The following MINDY4 variants were observed in gnomAD, a reference collection of about 807,000 sequenced individuals.
The protein encoded by MINDY4 is probable ubiquitin carboxyl-terminal hydrolase MINDY-4.
In MINDY4, 68 loss-of-function variants were observed where a neutral mutation model predicts 87.0. That is an observed-to-expected ratio of 0.78 (90% confidence interval 0.64 to 0.96). The LOEUF (loss-of-function observed/expected upper bound fraction) is 0.96, where lower values mean the gene tolerates loss of function less well. Among genes scored for constraint, MINDY4 ranks in the 40% least tolerant of loss-of-function variants. MINDY4 has a pLI of 0.00. For missense variants in MINDY4, 919 were observed against 928.2 expected, an observed-to-expected ratio of 0.99 and a Z score of 0.13; for synonymous variants, 379 against 363.2, an observed-to-expected ratio of 1.04 and a Z score of -0.50.
chr7:30,836,430 C>T (rs1788859344), intron 6 of MINDY4, among the ~76,000 whole-genome samples: 1 of 152,214 alleles, frequency 6.6e-6, no homozygotes, highest in African/African-American at 2.4e-5. Context: ...GTGGTATGAA[C>T]AGAGCAGGGT....
chr7:30,794,845 G>T lies in MINDY4; in HGVS notation c.1073+3271G>T, dbSNP rs572375360. ...CTGACTGGGCAGTCCTCTAACCCTC[G>T]TCTCTCTCTCCCTCTCGCTAGAGTG... On this transcript the variant is annotated intron_variant, in intron 5 of 17. Transcript: ENST00000265299. Among the ~76,000 whole-genome samples the T allele has an allele frequency of 2.6e-5, 4 of 152,108 alleles. No individual in the cohort carries two copies. In the East Asian group the frequency reaches 7.8e-4, roughly 29 times the overall value.
At chr7:30,790,010 C>A (rs1787273295) in intron 4 of MINDY4, among the ~76,000 whole-genome samples, 2 of 152,310 alleles carry the variant, frequency 1.3e-5, no homozygotes, top group Non-Finnish European at 2.9e-5. Flanking sequence ...AGAATGACCT[C>A]TGCCATCAGG....
intron 9 of MINDY4, among the ~76,000 whole-genome samples, chr7:30,847,323 C>A (rs1229085118): frequency 2.0e-5 from 3 of 152,174 alleles, no homozygotes; most frequent in Non-Finnish European, 2.9e-5. Context: ...AGGACTTGTG[C>A]TTGGAGACAT....
chr7:30,772,716 C>G (rs1290375009), intron 1 of MINDY4, among the ~76,000 whole-genome samples: 1 of 152,134 alleles, frequency 6.6e-6, no homozygotes, highest in Non-Finnish European at 1.5e-5. Context: ...GGCTTTGTCG[C>G]ATCTGCCCTG....
chr7:30,809,900 G>A (rs767545970), intron 5 of MINDY4, among the ~76,000 whole-genome samples: 7 of 152,038 alleles, frequency 4.6e-5, no homozygotes, highest in African/African-American at 1.2e-4. Context: ...TGTTTAGGCC[G>A]GGCGCAGTGG....
At position 30,812,115 on chromosome 7, in the gene MINDY4, G is replaced by T. The variant is rs144512461; in HGVS notation, c.1074-16564G>T. Among the ~76,000 whole-genome samples, 911 of 152,288 alleles carry T rather than the reference G, an allele frequency of 6.0e-3. 16 individuals are homozygous for T. The highest frequency in any genetic ancestry group is 0.02 in the African/African-American group (837 of 41,554). ...TAGACAAGGATCCTGGTTTTAAAAA[G>T]TGTTGTCGTACAAACAAACCCCATG... On this transcript the variant is annotated intron_variant, in intron 5 of 17. Coordinates refer to ENST00000265299, the MANE Select transcript of MINDY4 (RefSeq NM_032222.3).
At chr7:30,859,177 G>A (rs575713139) in intron 12 of MINDY4, 80 bp from the exon 13 acceptor site, 56 of 1,415,598 alleles carry the variant, frequency 4.0e-5, no homozygotes, top group Non-Finnish European at 5.2e-5. Flanking sequence ...GCTCCCTGGG[G>A]TGTGGCTCCC....
intron 13 of MINDY4, among the ~76,000 whole-genome samples, chr7:30,859,935 G>T (rs1221397812): frequency 2.0e-5 from 3 of 152,216 alleles, no homozygotes; most frequent in Non-Finnish European, 4.4e-5. Flanking sequence ...TCCCCATGAA[G>T]CTCATTTGCT....
chr7:30,823,013 T>G (rs1171747609), intron 5 of MINDY4, among the ~76,000 whole-genome samples: 1 of 152,170 alleles, frequency 6.6e-6, no homozygotes, highest in East Asian at 1.9e-4. Flanking sequence ...ACACCCATAT[T>G]CTAGATTTGT....
rs529677637 is a variant in MINDY4, at chr7:30,889,482, A to G, written c.2226-2475A>G. On this transcript the variant is annotated intron_variant, in intron 17 of 17. Coordinates refer to ENST00000265299, the MANE Select transcript of MINDY4 (RefSeq NM_032222.3). The stretch of plus-strand genomic sequence containing the variant: ...TCATCAGACTCCACCCCCAAATAGT[A>G]TCAGCAATGGGCACTCACTGCCGAG... Among the ~76,000 whole-genome samples, 11 of 152,282 alleles carry G rather than the reference A, an allele frequency of 7.2e-5. No individual in the cohort carries two copies. The East Asian group carries it at 2.1e-3, about 29-fold the overall frequency.
Position 30,882,223 on chromosome 7 carries a change from G to C in MINDY4, c.2014G>C (p.Val672Leu). The change falls in exon 16 of 18, where the codon GTT (valine) becomes CTT (leucine). Residue 672 changes from valine (V) to leucine (L), a missense_variant. Physicochemically the swap from Val to Leu is conservative, Grantham distance 32. Coordinates refer to ENST00000265299, the MANE Select transcript of MINDY4 (RefSeq NM_032222.3). ...GACCCCGAGGTTCCCCATCTGGGTGGTTTGCAGTGAGAGCCACTTCAGCAT... is the reference window on the plus strand; with the variant it reads ...GACCCCGAGGTTCCCCATCTGGGTGCTTTGCAGTGAGAGCCACTTCAGCAT... ...LKTPRFPIWV[V>L]CSESHFSILF... 1 of 1,613,730 alleles carries C rather than the reference G, an allele frequency of 6.2e-7. No homozygotes were observed. The highest frequency in any genetic ancestry group is 8.5e-7 in the Non-Finnish European group (1 of 1,179,712).
chr7:30,823,436 C>T (rs1225675473), intron 5 of MINDY4, among the ~76,000 whole-genome samples: 1 of 152,162 alleles, frequency 6.6e-6, no homozygotes, highest in Non-Finnish European at 1.5e-5. Context: ...TCTTCTTTCT[C>T]TTTTCCTTGC....
rs140248723 is a variant in MINDY4 at position 30,809,073 on chromosome 7, G to C, written c.1073+17499G>C. Among the ~76,000 whole-genome samples the C allele has an allele frequency of 1.8e-3, 271 of 152,180 alleles. 2 individuals carry two copies. Among genetic ancestry groups the C allele is most frequent in the African/African-American group, 6.0e-3 (250 of 41,530 alleles). ...TAAGTAGTTAAGAAAAAAAAACAGT[G>C]TACCCTATTCCTTTAAAAGCCAAGG... On this transcript the variant is annotated intron_variant, in intron 5 of 17. Coordinates refer to ENST00000265299, the MANE Select transcript of MINDY4 (RefSeq NM_032222.3).
chr7:30,865,663 G>C (rs1037716259), intron 13 of MINDY4, among the ~76,000 whole-genome samples: 1 of 152,250 alleles, frequency 6.6e-6, no homozygotes, highest in Non-Finnish European at 1.5e-5. Flanking sequence ...GTGGAGGAGA[G>C]AGGGAAAGGG....
At chr7:30,774,759 A>C (rs1241425592) in intron 1 of MINDY4, among the ~76,000 whole-genome samples, 2 of 150,580 alleles carry the variant, frequency 1.3e-5, no homozygotes, top group Admixed American at 6.6e-5. Flanking sequence ...CTTTCCTCCT[A>C]CTCCTCTGGG....
chr7:30,829,002 T>C (rs1788610004), intron 6 of MINDY4, among the ~76,000 whole-genome samples: 1 of 152,098 alleles, frequency 6.6e-6, no homozygotes. Flanking sequence ...CTGCTTTTGG[T>C]ATTTTTTTAG....
chr7:30,821,708 T>C (rs1788335874), intron 5 of MINDY4, among the ~76,000 whole-genome samples: 1 of 152,186 alleles, frequency 6.6e-6, no homozygotes, highest in South Asian at 2.1e-4. Context: ...TGTTGGACTT[T>C]AGAAGTTTTT....
intron 15 of MINDY4, among the ~76,000 whole-genome samples, chr7:30,876,821 T>G (rs569492563): frequency 4.3e-4 from 65 of 152,150 alleles, no homozygotes; most frequent in African/African-American, 1.5e-3. Flanking sequence ...CCACCTATCC[T>G]CAGAACCAGG....
chr7:30,881,786 G>C (rs186272332), intron 15 of MINDY4, among the ~76,000 whole-genome samples: 463 of 152,330 alleles, frequency 3.0e-3, no homozygotes, highest in South Asian at 7.9e-3. Context: ...TTGTTTGAGG[G>C]GTGTGGGAAG....
Sources: allele counts gnomAD v4.1 joint callset (sites outside exome capture counted in the v4.1 genomes callset), GRCh38; gene constraint gnomAD v4.1.1; transcripts MANE v1.5; gene names NCBI Gene and HGNC (gene_info 2026-07-23, HGNC 2026-07-21).